The following CD96 variants were observed in gnomAD, a reference collection of about 807,000 sequenced individuals.
The protein encoded by CD96 is T-cell surface protein tactile.
A neutral mutation model predicts 71.3 loss-of-function variants in CD96; 70 were observed. The ratio of observed to expected loss-of-function variants is 0.98; its 90% CI spans 0.81 to 1.20. The LOEUF (loss-of-function observed/expected upper bound fraction) is 1.20. CD96 is among the 50% of genes most tolerant of loss of function. CD96 has a pLI of 0.00. For missense variants in CD96, 742 were observed against 677.5 expected (o/e 1.10, Z -1.06); for synonymous variants, 248 against 233.0 (o/e 1.06, Z -0.59).
At chr3:111,627,993 G>A (rs907326292) in intron 10 of CD96, among the ~76,000 whole-genome samples, 1 of 151,808 alleles carries the variant, frequency 6.6e-6, no homozygotes, top group South Asian at 2.1e-4. Flanking sequence ...ACCATCCAAA[G>A]GTCAGCAAAC....
chr3:111,660,808 C>T (rs1576444497), intron 14 of CD96, among the ~76,000 whole-genome samples: 2 of 152,140 alleles, frequency 1.3e-5, no homozygotes, highest in African/African-American at 4.8e-5. Context: ...GGATAACTGG[C>T]TAGCCATATG....
At position 111,650,083 on chromosome 3, in the gene CD96, TA is replaced by T. The variant is rs144782299; in HGVS notation, c.*286del. On this transcript the variant is annotated 3_prime_UTR_variant, in exon 14 of 14. Transcript: ENST00000352690. The stretch of plus-strand genomic sequence containing the variant: ...GAAGTACATATTAGTCTGCCATCTT[TA>T]AAAAAAAATACAGTATTTTCATTTA... The T allele has an allele frequency of 9.5e-4, 364 of 384,598 alleles. 1 individual carries two copies. Among genetic ancestry groups the T allele is most frequent in the Middle Eastern group, 2.5e-3 (3 of 1,210 alleles). 23.8% of individuals were successfully genotyped at this position (384,598 alleles called of 1,614,324 possible).
intron 1 of CD96, among the ~76,000 whole-genome samples, chr3:111,544,144 G>C (rs1211074992): frequency 6.6e-6 from 1 of 151,940 alleles, no homozygotes; most frequent in Non-Finnish European, 1.5e-5. Flanking sequence ...TTTTTGTTTT[G>C]TTTCGTTTTT....
At position 111,638,061 on chromosome 3, in the gene CD96, TC is replaced by T. The variant is rs781665763; in HGVS notation, c.1388-14del. ...CAAGTTGAGATGTCTTGTCCAGATA[TC>T]CCCTTTATATCCCTAGACAATGTCT... On this transcript the variant is annotated splice_polypyrimidine_tract_variant and intron_variant, in intron 11 of 13. Transcript: ENST00000352690. 1 of 1,410,018 alleles carries T rather than the reference TC, an allele frequency of 7.1e-7. No individual in the cohort carries two copies. The highest frequency in any genetic ancestry group is 1.2e-5 in the South Asian group (1 of 86,950). 87.3% of individuals were successfully genotyped at this position (1,410,018 alleles called of 1,614,324 possible). A position where few individuals can be genotyped will look rare whatever the true frequency, so the allele number is the denominator to read the frequency against.
intron 5 of CD96, among the ~76,000 whole-genome samples, chr3:111,585,894 G>A (rs1936690989): frequency 6.6e-6 from 1 of 152,044 alleles, no homozygotes; most frequent in South Asian, 2.1e-4. Flanking sequence ...AATTGAATAG[G>A]GACCTCTGAC....
chr3:111,591,546 A>G (rs1307900297), intron 5 of CD96, among the ~76,000 whole-genome samples: 2 of 152,054 alleles, frequency 1.3e-5, no homozygotes, highest in African/African-American at 2.4e-5. Context: ...CTCCAAAAAT[A>G]TGTGTTTTGG....
intron 2 of CD96, among the ~76,000 whole-genome samples, chr3:111,549,546 A>G (rs1340828366): frequency 6.6e-6 from 1 of 151,998 alleles, no homozygotes; most frequent in African/African-American, 2.4e-5. Context: ...AGTGTGGATC[A>G]GTTAGAAGAC....
At chr3:111,597,332 A>C (rs1446392106) in intron 5 of CD96, among the ~76,000 whole-genome samples, 1 of 152,234 alleles carries the variant, frequency 6.6e-6, no homozygotes, top group Non-Finnish European at 1.5e-5. Flanking sequence ...CCCAAAGAAC[A>C]AACATAGCAT....
intron 12 of CD96, among the ~76,000 whole-genome samples, chr3:111,642,976 C>G (rs913261369): frequency 1.3e-5 from 2 of 151,194 alleles, no homozygotes; most frequent in Non-Finnish European, 2.9e-5. Context: ...TTCTGTGAAG[C>G]CAGCATCACC....
At chr3:111,660,514 A>C (rs1284369649) in intron 14 of CD96, among the ~76,000 whole-genome samples, 1 of 152,218 alleles carries the variant, frequency 6.6e-6, no homozygotes, top group East Asian at 1.9e-4. Context: ...AGAAAAAAAA[A>C]CTATTCTAAC....
rs566043758 is a variant in CD96, at chr3:111,569,686, T to C, written c.543+2039T>C. 2.0e-5 allele frequency among the ~76,000 whole-genome samples: 3 copies of C among 152,360 alleles called. No homozygotes were observed. In the East Asian group the frequency reaches 5.8e-4, roughly 29 times the overall value. ...GTGTTCTTATCTTGTCTCATGGGTA[T>C]GTAATCTGTTTTTCTAAGCAAATGT... On this transcript the variant is annotated intron_variant, in intron 3 of 13. Coordinates refer to ENST00000352690, the MANE Select transcript of CD96 (RefSeq NM_005816.5).
intron 7 of CD96, among the ~76,000 whole-genome samples, chr3:111,602,318 A>G (rs1361147250): frequency 6.6e-6 from 1 of 152,226 alleles, no homozygotes; most frequent in Non-Finnish European, 1.5e-5. Context: ...TTTCAGTATC[A>G]GAAAATAATG....
chr3:111,663,850 G>A (rs539098037), intron 14 of CD96, among the ~76,000 whole-genome samples: 67 of 151,410 alleles, frequency 4.4e-4, no homozygotes, highest in East Asian at 2.7e-3. Context: ...CCGGGTTCAC[G>A]CCATTCTCCT....
At chr3:111,614,333 G>T (rs557428240) in intron 8 of CD96, among the ~76,000 whole-genome samples, 1 of 152,132 alleles carries the variant, frequency 6.6e-6, no homozygotes, top group Admixed American at 6.6e-5. Context: ...GGGGAATGGC[G>T]TAAGAAGAAG....
At chr3:111,625,890 A>T (rs1051968807) in intron 10 of CD96, among the ~76,000 whole-genome samples, 3 of 152,234 alleles carry the variant, frequency 2.0e-5, no homozygotes, top group Admixed American at 2.0e-4. Context: ...TTGACTAAGG[A>T]TCAAAATTTT....
intron 7 of CD96, 90 bp from the exon 8 acceptor site, chr3:111,606,610 T>TA: frequency 1.3e-6 from 1 of 761,074 alleles, no homozygotes; most frequent in Non-Finnish European, 2.4e-6. Context: ...GATGAATAAA[T>TA]AAAGGAAAGT....
intron 12 of CD96, among the ~76,000 whole-genome samples, chr3:111,640,092 A>G (rs1277633354): frequency 6.6e-6 from 1 of 152,110 alleles, no homozygotes; most frequent in Non-Finnish European, 1.5e-5. Flanking sequence ...CCCCAAAACA[A>G]TCATCCTAGT....
intron 7 of CD96, among the ~76,000 whole-genome samples, chr3:111,606,262 T>C (rs989272198): frequency 1.3e-5 from 2 of 152,244 alleles, no homozygotes; most frequent in African/African-American, 2.4e-5. Flanking sequence ...GTTTCTACTC[T>C]TGCTGATATA....
intron 2 of CD96, among the ~76,000 whole-genome samples, chr3:111,560,443 T>G (rs1197516708): frequency 5.5e-5 from 8 of 146,226 alleles, no homozygotes; most frequent in South Asian, 4.5e-4. Flanking sequence ...GTCTGTAAAG[T>G]ATTTAATTTC....
Sources: gnomAD v4.1 joint callset for allele counts (sites outside exome capture counted in the v4.1 genomes callset) on GRCh38, gnomAD v4.1.1 for gene constraint, MANE v1.5 for transcripts, NCBI Gene and HGNC (gene_info 2026-07-23, HGNC 2026-07-21) for gene names.